Variants in MCUR1 observed in about 807,000 individuals in gnomAD.
MCUR1 encodes the protein MCU regulator 1.
Under a neutral mutation model 42.0 loss-of-function variants are expected in MCUR1, and 37 were observed. That is an observed-to-expected ratio of 0.88 (90% CI 0.68 to 1.16). The LOEUF is 1.16. Ranked by LOEUF, MCUR1 falls within the 50% of genes most tolerant of loss-of-function variation. MCUR1 has a pLI of 0.00. For missense variants in MCUR1, 469 were observed against 468.4 expected (o/e 1.00, Z -0.01); for synonymous variants, 229 against 196.2 (o/e 1.17, Z -1.40).
At chr6:13,805,819 C>T (rs779096248) in intron 2 of MCUR1, among the ~76,000 whole-genome samples, 6 of 152,130 alleles carry the variant, frequency 3.9e-5, no homozygotes, top group Non-Finnish European at 8.8e-5. Context: ...GAATTATAAT[C>T]GGTGTATTTG....
chr6:13,790,597 G>A lies in MCUR1; in HGVS notation c.*212C>T, dbSNP rs3757252. On this transcript the variant is annotated 3_prime_UTR_variant, in exon 9 of 9. Transcript: ENST00000379170. ...CTCCCGAGTAGCTGGGACTACAGGCGCCCGCCACCACGCCCGCCTAATGTT... is the reference window on the plus strand; with the variant it reads ...CTCCCGAGTAGCTGGGACTACAGGCACCCGCCACCACGCCCGCCTAATGTT... 2.0e-4 allele frequency: 63 copies of A among 320,626 alleles called. 2 individuals carry two copies. The East Asian group carries it at 3.8e-3, about 19-fold the overall frequency. The allele number at this position is 320,626 out of a possible 1,614,324, so 19.9% of individuals were successfully genotyped here.
At chr6:13,806,114 C>T (rs1348730707) in intron 2 of MCUR1, among the ~76,000 whole-genome samples, 3 of 152,000 alleles carry the variant, frequency 2.0e-5, no homozygotes, top group South Asian at 2.1e-4. Context: ...ATTAGCTGGG[C>T]GTGGAGGCTC....
At chr6:13,813,006 A>G (rs535264726) in intron 1 of MCUR1, among the ~76,000 whole-genome samples, 3 of 152,238 alleles carry the variant, frequency 2.0e-5, no homozygotes, top group Non-Finnish European at 4.4e-5. Context: ...CTATGAGACT[A>G]TAATACATAT....
chr6:13,807,601 C>A (rs551335204), intron 1 of MCUR1, among the ~76,000 whole-genome samples: 1 of 152,172 alleles, frequency 6.6e-6, no homozygotes, highest in African/African-American at 2.4e-5. Flanking sequence ...TTAGCGATTA[C>A]GAATTACATG....
At chr6:13,798,961 T>G in intron 5 of MCUR1, 57 bp from the exon 6 acceptor site, 1 of 1,046,496 alleles carries the variant, frequency 9.6e-7, no homozygotes, top group Non-Finnish European at 1.5e-6. Context: ...ACCCAAACTC[T>G]ATGAGGACGT....
chr6:13,792,675 TAA>T (rs1168756150), intron 7 of MCUR1, among the ~76,000 whole-genome samples: 1 of 152,098 alleles, frequency 6.6e-6, no homozygotes, highest in African/African-American at 2.4e-5. Context: ...AGAACTGCAT[TAA>T]AGCATAAAAA....
Position 13,814,031 on chromosome 6 carries a change from G to T in MCUR1, c.399C>A (p.Leu133=). 2 of 1,236,028 alleles carry T rather than the reference G, an allele frequency of 1.6e-6. No homozygotes were observed. The highest frequency in any genetic ancestry group is 2.0e-6 in the Non-Finnish European group (2 of 990,526). 76.6% of individuals were successfully genotyped at this position (1,236,028 alleles called of 1,614,324 possible). A position where few individuals can be genotyped will look rare whatever the true frequency, so the allele number is the denominator to read the frequency against. Residue 133 remains leucine, a synonymous_variant, in exon 1 of 9, where the codon CTC becomes CTA. Coordinates refer to ENST00000379170, the MANE Select transcript of MCUR1 (RefSeq NM_001031713.4). ...LPQYHGPAPA[L]VSCRRELSLS... The stretch of plus-strand genomic sequence containing the variant: ...GGGCCTCACCTCTCCTGCAGGAAAC[G>T]AGTGCAGGCGCCGGGCCGTGGTACT...
Position 13,814,243 on chromosome 6 carries a change from C to CGCCGCCGCGGGCCGCCGCGG in MCUR1, c.186_187insCCGCGGCGGCCCGCGGCGGC (p.Val63ProfsTer19), listed in dbSNP as rs769851385. 1.2e-5 allele frequency: 17 copies of CGCCGCCGCGGGCCGCCGCGG among 1,470,438 alleles called. No individual in the cohort carries two copies. Among genetic ancestry groups the CGCCGCCGCGGGCCGCCGCGG allele is most frequent in the Non-Finnish European group, 1.5e-5 (17 of 1,118,584 alleles). 91.1% of individuals were successfully genotyped at this position (1,470,438 alleles called of 1,614,324 possible). A position where few individuals can be genotyped will look rare whatever the true frequency, so the allele number is the denominator to read the frequency against. On this transcript the variant is annotated frameshift_variant, in exon 1 of 9. Transcript: ENST00000379170. LOFTEE classifies it high-confidence loss of function. ...AGGAGCAGCGGTGAGGCACGTGACACGCCGCCGCGGGCCGCCGGGGCGCGA... is the reference window on the plus strand; with the variant it reads ...AGGAGCAGCGGTGAGGCACGTGACACGCCGCCGCGGGCCGCCGCGGGCCGCCGCGGGCCGCCGGGGCGCGA...
intron 3 of MCUR1, among the ~76,000 whole-genome samples, chr6:13,801,707 A>T (rs1045044277): frequency 2.6e-5 from 4 of 152,116 alleles, no homozygotes; most frequent in Non-Finnish European, 5.9e-5. Context: ...AAAATTAGCC[A>T]GCTGTAGCAG....
intron 1 of MCUR1, among the ~76,000 whole-genome samples, chr6:13,808,867 C>T (rs534916107): frequency 3.9e-5 from 6 of 152,126 alleles, no homozygotes; most frequent in East Asian, 1.9e-4. Context: ...TTTGTCCTTA[C>T]GCCAGTGCCA....
chr6:13,798,877 T>A lies in MCUR1; in HGVS notation c.811A>T (p.Thr271Ser). 6.2e-7 allele frequency: 1 copy of A among 1,611,268 alleles called. No homozygotes were observed. The highest frequency in any genetic ancestry group is 1.1e-5 in the South Asian group (1 of 90,850). The change falls in exon 6 of 9, where the codon ACC becomes TCC. Residue 271 changes from threonine to serine, a missense_variant. Transcript: ENST00000379170. ...TTTTCTAGGTTGAAGTCTAATTTGGTATCTGTTCGGACTTTGATCACTTCA... is the reference window on the plus strand; with the variant it reads ...TTTTCTAGGTTGAAGTCTAATTTGGAATCTGTTCGGACTTTGATCACTTCA... ...MDEVIKVRTD[T>S]KLDFNLEKSR...
intron 1 of MCUR1, among the ~76,000 whole-genome samples, 164 bp downstream of exon 1, chr6:13,813,851 C>T (rs1307568921): frequency 2.0e-5 from 3 of 152,190 alleles, no homozygotes; most frequent in East Asian, 3.9e-4. Context: ...CCGAGCAGGG[C>T]GGGCCCGGAC....
intron 1 of MCUR1, among the ~76,000 whole-genome samples, chr6:13,810,733 G>C (rs148770279): frequency 3.9e-5 from 6 of 152,344 alleles, no homozygotes; most frequent in Admixed American, 2.0e-4. Context: ...TGTGGTCACT[G>C]TAAGCATCCA....
chr6:13,813,322 C>T (rs910712745), intron 1 of MCUR1, among the ~76,000 whole-genome samples: 3 of 152,220 alleles, frequency 2.0e-5, no homozygotes, highest in Non-Finnish European at 4.4e-5. Flanking sequence ...TTTAAATTCA[C>T]AACTGGAGAC....
rs186612425 is a variant in MCUR1, at chr6:13,788,842, T to G, written c.*1967A>C. On this transcript the variant is annotated 3_prime_UTR_variant, in exon 9 of 9. Transcript: ENST00000379170. The stretch of plus-strand genomic sequence containing the variant: ...GCAAAAGTACTTGATTTTCATACTA[T>G]ATGGAGCTCACAATCTTTGGACTAC... The G allele has an allele frequency of 6.6e-6, 1 of 152,258 alleles. No individual in the cohort carries two copies. 9.4% of individuals were successfully genotyped at this position (152,258 alleles called of 1,614,324 possible). A position where few individuals can be genotyped will look rare whatever the true frequency, so the allele number is the denominator to read the frequency against.
intron 4 of MCUR1, among the ~76,000 whole-genome samples, chr6:13,800,886 C>T (rs1047406051): frequency 6.6e-6 from 1 of 152,122 alleles, no homozygotes; most frequent in African/African-American, 2.4e-5. Flanking sequence ...AGAGATATTT[C>T]GCAGTAGCAA....
chr6:13,799,431 C>A (rs1263924842), intron 5 of MCUR1, among the ~76,000 whole-genome samples: 2 of 152,184 alleles, frequency 1.3e-5, no homozygotes, highest in African/African-American at 4.8e-5. Flanking sequence ...GATCTACCCA[C>A]CTCAGCCTCC....
At chr6:13,804,136 C>T (rs535954057) in intron 2 of MCUR1, 5 of 269,400 alleles carry the variant, frequency 1.9e-5, no homozygotes, top group South Asian at 1.5e-4. Flanking sequence ...GCCTGGCCAA[C>T]ATGGTGAAAC....
chr6:13,812,139 G>C (rs1760249728), intron 1 of MCUR1, among the ~76,000 whole-genome samples: 1 of 152,072 alleles, frequency 6.6e-6, no homozygotes, highest in African/African-American at 2.4e-5. Flanking sequence ...GGGACCTTCA[G>C]CATATCAAGA....
Sources: allele counts gnomAD v4.1 joint callset (sites outside exome capture counted in the v4.1 genomes callset), GRCh38; gene constraint gnomAD v4.1.1; transcripts MANE v1.5; gene names NCBI Gene and HGNC (gene_info 2026-07-23, HGNC 2026-07-21).